The following SRPK2 variants were observed in gnomAD, a reference collection of about 807,000 sequenced individuals.
SRPK2 encodes the protein SFRS protein kinase 2.
A neutral mutation model predicts 90.8 loss-of-function variants in SRPK2; 21 were observed. That is an observed-to-expected ratio of 0.23 (90% CI 0.16 to 0.33). The LOEUF is 0.33. Ranked by LOEUF, SRPK2 falls within the 10% of genes least tolerant of loss-of-function variation. SRPK2 has a pLI of 1.00. For synonymous variants in SRPK2, 288 were observed against 311.1 expected (o/e 0.93, Z 0.78); for missense variants, 620 against 869.0 (o/e 0.71, Z 3.60).
chr7:105,177,620 C>A (rs917355190), intron 3 of SRPK2, among the ~76,000 whole-genome samples: 86 of 152,146 alleles, frequency 5.7e-4, no homozygotes, highest in African/African-American at 2.1e-3. Context: ...GGAGGATGCT[C>A]ATCCTGGGGG....
At chr7:105,222,296 T>C (rs1190393907) in intron 2 of SRPK2, among the ~76,000 whole-genome samples, 4 of 152,252 alleles carry the variant, frequency 2.6e-5, no homozygotes, top group African/African-American at 4.8e-5. Context: ...AAACTGCTTC[T>C]GATGCCCTTG....
At chr7:105,166,996 C>A (rs574334390) in intron 6 of SRPK2, among the ~76,000 whole-genome samples, 30 of 152,346 alleles carry the variant, frequency 2.0e-4, no homozygotes, top group Middle Eastern at 3.4e-3. Context: ...TGGTGCTTTG[C>A]AGCCACTGGG....
At chr7:105,389,514 A>G (rs539409969), upstream of SRPK2, 2 of 838,070 alleles carry the variant, frequency 2.4e-6, no homozygotes, top group South Asian at 4.3e-5. Flanking sequence ...GCATGAGTTT[A>G]ATGAAGGAAA....
chr7:105,259,006 T>C (rs951626140), intron 2 of SRPK2, among the ~76,000 whole-genome samples: 3 of 152,142 alleles, frequency 2.0e-5, no homozygotes, highest in African/African-American at 4.8e-5. Context: ...TCACCACTCC[T>C]ATTCAACATA....
intron 2 of SRPK2, among the ~76,000 whole-genome samples, chr7:105,312,437 C>CAGAAAA (rs1554506069): frequency 2.4e-5 from 2 of 84,862 alleles, no homozygotes; most frequent in Non-Finnish European, 4.2e-5. Flanking sequence ...GAGACTCCGT[C>CAGAAAA]AAAAAAAAAA....
At chr7:105,228,213 A>G (rs1798962176) in intron 2 of SRPK2, among the ~76,000 whole-genome samples, 2 of 152,166 alleles carry the variant, frequency 1.3e-5, no homozygotes, top group African/African-American at 4.8e-5. Context: ...CATATGAAAA[A>G]AAGTTATACA....
At chr7:105,197,781 G>A (rs1795099517) in intron 3 of SRPK2, among the ~76,000 whole-genome samples, 1 of 152,142 alleles carries the variant, frequency 6.6e-6, no homozygotes, top group Non-Finnish European at 1.5e-5. Context: ...GCATTTCTAA[G>A]GAAATGACAT....
intron 2 of SRPK2, among the ~76,000 whole-genome samples, chr7:105,266,247 T>G (rs886535108): frequency 6.4e-5 from 8 of 124,858 alleles, no homozygotes; most frequent in Admixed American, 1.6e-4. Context: ...ATAAATTAGG[T>G]TGTTTTGCTT....
At chr7:105,353,486 C>T (rs750545172) in intron 2 of SRPK2, among the ~76,000 whole-genome samples, 61 of 150,664 alleles carry the variant, frequency 4.0e-4, no homozygotes, top group Non-Finnish European at 7.8e-4. Context: ...ATTACAGGAG[C>T]GTGCCATCCA....
intron 2 of SRPK2, chr7:105,301,402 T>C (rs1476948975): frequency 4.7e-6 from 3 of 639,112 alleles, no homozygotes; most frequent in Non-Finnish European, 8.3e-6. Context: ...GCCAAGACTG[T>C]GCCGCCCCCA....
At chr7:105,169,034 A>AAG (rs1419338451) in intron 4 of SRPK2, 123 bp downstream of exon 4, 8 of 617,142 alleles carry the variant, frequency 1.3e-5, no homozygotes, top group Admixed American at 3.5e-5. Context: ...CAGCTGAGGC[A>AAG]GGCCTGTGCT....
intron 2 of SRPK2, among the ~76,000 whole-genome samples, chr7:105,243,078 C>T (rs767843361): frequency 6.6e-6 from 1 of 152,066 alleles, no homozygotes; most frequent in African/African-American, 2.4e-5. Flanking sequence ...ACTAACTCAC[C>T]GTAGACTCCA....
chr7:105,369,125 T>TTTTTTATTATTATTATTA (rs1248245096), intron 2 of SRPK2, among the ~76,000 whole-genome samples: 3 of 143,322 alleles, frequency 2.1e-5, no homozygotes, highest in South Asian at 4.5e-4. Context: ...CAAGATTTAT[T>TTTTTTATTATTATTATTA]TTATTATTAT....
At chr7:105,142,791 G>A (rs1427225088) in intron 10 of SRPK2, among the ~76,000 whole-genome samples, 1 of 152,206 alleles carries the variant, frequency 6.6e-6, no homozygotes, top group Non-Finnish European at 1.5e-5. Context: ...GTGCATTACA[G>A]TTAGGTAAAA....
intron 2 of SRPK2, among the ~76,000 whole-genome samples, chr7:105,321,866 A>G (rs1204059): frequency 0.017 from 2,648 of 152,322 alleles, 83 homozygotes; most frequent in African/African-American, 0.06. Context: ...ATAAAATGGT[A>G]TCTTTTCTAT....
chr7:105,125,351 G>A (rs893187142), intron 15 of SRPK2, among the ~76,000 whole-genome samples: 9 of 152,060 alleles, frequency 5.9e-5, no homozygotes, highest in East Asian at 5.8e-4. Context: ...TGTGAGGTAC[G>A]CAGCATTTCA....
chr7:105,252,941 T>C (rs547903380), intron 2 of SRPK2, among the ~76,000 whole-genome samples: 11 of 151,964 alleles, frequency 7.2e-5, no homozygotes, highest in African/African-American at 2.7e-4. Flanking sequence ...CAAGGTTTCA[T>C]CATGTTGGCC....
At chr7:105,356,575 G>A (rs73186100) in intron 2 of SRPK2, among the ~76,000 whole-genome samples, 10,685 of 152,124 alleles carry the variant, frequency 0.07, 476 homozygotes, top group Middle Eastern at 0.13. Context: ...AGCTAATATA[G>A]TGAGTAATTT....
chr7:105,318,229 G>A (rs1812527205), intron 2 of SRPK2, among the ~76,000 whole-genome samples: 2 of 152,012 alleles, frequency 1.3e-5, no homozygotes, highest in Non-Finnish European at 1.5e-5. Context: ...AAAGTAGCTG[G>A]GATTACAGGC....
Sources: allele counts gnomAD v4.1 joint callset (sites outside exome capture counted in the v4.1 genomes callset), GRCh38; gene constraint gnomAD v4.1.1; transcripts MANE v1.5; gene names NCBI Gene and HGNC (gene_info 2026-07-23, HGNC 2026-07-21).